The following SPIN1 variants were observed in gnomAD, a reference collection of about 807,000 sequenced individuals.
The protein encoded by SPIN1 is spindlin-1.
In SPIN1, 3 loss-of-function variants were observed where a neutral mutation model predicts 26.0. The observed-to-expected ratio is 0.12, with a 90% confidence interval of 0.05 to 0.30. The LOEUF is 0.30. SPIN1 is among the 10% of genes least tolerant of loss of function. The pLI is 1.00. For missense variants in SPIN1, 126 were observed against 333.4 expected, an observed-to-expected ratio of 0.38 and a Z score of 4.84; for synonymous variants, 101 against 116.5, an observed-to-expected ratio of 0.87 and a Z score of 0.86.
intron 4 of SPIN1, among the ~76,000 whole-genome samples, chr9:88,464,671 T>G (rs1276937230): frequency 1.3e-5 from 2 of 152,246 alleles, no homozygotes; most frequent in Non-Finnish European, 2.9e-5. Context: ...ACACAATATT[T>G]TCTTTATGAG....
intron 3 of SPIN1, among the ~76,000 whole-genome samples, chr9:88,453,104 G>GT (rs1385945048): frequency 1.3e-5 from 2 of 151,930 alleles, no homozygotes; most frequent in Non-Finnish European, 2.9e-5. Flanking sequence ...ATGAAAGGTC[G>GT]TTTTCCTTTC....
At chr9:88,461,990 T>C (rs1378405001) in intron 3 of SPIN1, among the ~76,000 whole-genome samples, 1 of 152,194 alleles carries the variant, frequency 6.6e-6, no homozygotes, top group Non-Finnish European at 1.5e-5. Flanking sequence ...TTATTTTTAT[T>C]AGTTAAGCTT....
chr9:88,437,632 C>T (rs570636244), intron 2 of SPIN1, among the ~76,000 whole-genome samples: 1 of 152,102 alleles, frequency 6.6e-6, no homozygotes, highest in African/African-American at 2.4e-5. Context: ...TATGGTTAAA[C>T]GTATGTTTAC....
At chr9:88,391,352 G>C (rs925943574) in intron 1 of SPIN1, 1 of 165,404 alleles carries the variant, frequency 6.0e-6, no homozygotes, top group Non-Finnish European at 1.4e-5. Context: ...AAAAGTACAA[G>C]AATGACAGTT....
At chr9:88,449,658 C>T (rs942649109) in intron 3 of SPIN1, among the ~76,000 whole-genome samples, 8 of 152,092 alleles carry the variant, frequency 5.3e-5, no homozygotes, top group Non-Finnish European at 1.2e-4. Flanking sequence ...ATAATATTCA[C>T]TTTTACTTTA....
chr9:88,400,394 G>A (rs914288055), intron 1 of SPIN1, among the ~76,000 whole-genome samples: 3 of 152,186 alleles, frequency 2.0e-5, no homozygotes, highest in African/African-American at 7.2e-5. Context: ...GGCTCACTAA[G>A]CAGAGATTCT....
chr9:88,410,707 A>C, intron 1 of SPIN1: 1 of 1,425,326 alleles, frequency 7.0e-7, no homozygotes, highest in Non-Finnish European at 9.8e-7. Context: ...GTAATTGCCA[A>C]AATCATTGTA....
chr9:88,457,023 TTTC>T (rs1828486200), intron 3 of SPIN1, among the ~76,000 whole-genome samples: 1 of 152,142 alleles, frequency 6.6e-6, no homozygotes, highest in Non-Finnish European at 1.5e-5. Flanking sequence ...GAGCTAAAAA[TTTC>T]TTCAAGATGA....
intron 2 of SPIN1, among the ~76,000 whole-genome samples, chr9:88,432,545 C>T (rs550080942): frequency 2.0e-4 from 30 of 151,196 alleles, no homozygotes; most frequent in Non-Finnish European, 3.2e-4. Flanking sequence ...AGTGCAGTGG[C>T]GCGATCTCGG....
In SPIN1 at chr9:88,475,561, A is replaced by G. The variant is rs1828872756; in HGVS notation, c.*284A>G. 1 of 272,558 alleles carries G rather than the reference A, an allele frequency of 3.7e-6. No individual in the cohort carries two copies. The highest frequency in any genetic ancestry group is 7.6e-5 in the East Asian group (1 of 13,144). 16.9% of individuals were successfully genotyped at this position (272,558 alleles called of 1,614,324 possible). On this transcript the variant is annotated 3_prime_UTR_variant, in exon 6 of 6. Coordinates refer to ENST00000375859, the MANE Select transcript of SPIN1 (RefSeq NM_006717.3). ...TAGTATCATAGTCATTTAAAATTGT[A>G]ATAGATCTTAACCATTTTCCCCCTC...
intron 3 of SPIN1, 69 bp from the exon 4 acceptor site, chr9:88,462,427 C>T (rs530399113): frequency 1.2e-5 from 19 of 1,548,848 alleles, no homozygotes; most frequent in East Asian, 4.5e-5. Flanking sequence ...TGCTAGCCAG[C>T]GGTTATGTTA....
intron 1 of SPIN1, among the ~76,000 whole-genome samples, chr9:88,402,289 C>A (rs191346778): frequency 3.1e-4 from 47 of 152,162 alleles, no homozygotes; most frequent in Admixed American, 1.1e-3. Flanking sequence ...TACTGCGCCT[C>A]GTTGAGTATT....
In SPIN1 at chr9:88,448,980, C is replaced by T; in HGVS notation, c.92C>T (p.Thr31Ile). 1 of 1,612,716 alleles carries T rather than the reference C, an allele frequency of 6.2e-7. No individual in the cohort carries two copies. The highest frequency in any genetic ancestry group is 8.5e-7 in the Non-Finnish European group (1 of 1,179,682). ...TCTGCCAACATGATGAAGAAGAGGA[C>T]ATCCCACAAGTAAGCAGTTCTGAAA... ...GVSANMMKKRTSHKKHRSSVG... is the reference protein window; with the variant it reads ...GVSANMMKKRISHKKHRSSVG... Residue 31 changes from threonine (T) to isoleucine (I), a missense_variant, in exon 3 of 6, where the codon ACA becomes ATA. Thr to Ile is a moderately conservative substitution (Grantham distance 89). Around this residue, in one of 7 missense-constraint regions of SPIN1, gnomAD observed 63 missense variants for 101.3 expected, o/e 0.62. Coordinates refer to ENST00000375859, the MANE Select transcript of SPIN1 (RefSeq NM_006717.3).
intron 1 of SPIN1, among the ~76,000 whole-genome samples, chr9:88,415,387 C>T (rs1488189127): frequency 6.6e-6 from 1 of 152,040 alleles, no homozygotes; most frequent in Non-Finnish European, 1.5e-5. Flanking sequence ...GAACCTACAC[C>T]AGAGGCCCCT....
chr9:88,455,612 C>T (rs1316403488), intron 3 of SPIN1, among the ~76,000 whole-genome samples: 1 of 152,072 alleles, frequency 6.6e-6, no homozygotes, highest in Non-Finnish European at 1.5e-5. Flanking sequence ...AAACTTTTTC[C>T]TACGTACCTG....
intron 4 of SPIN1, among the ~76,000 whole-genome samples, chr9:88,463,760 T>C (rs1329920354): frequency 6.6e-6 from 1 of 152,224 alleles, no homozygotes; most frequent in East Asian, 1.9e-4. Context: ...ATTTAAATCT[T>C]TATTATTACT....
chr9:88,446,906 C>CT (rs1165221526), intron 2 of SPIN1, among the ~76,000 whole-genome samples: 1 of 152,042 alleles, frequency 6.6e-6, no homozygotes, highest in Non-Finnish European at 1.5e-5. Context: ...GTGTGGTTTC[C>CT]TTTGTTTTTG....
At chr9:88,472,323 C>T (rs1008142058) in intron 5 of SPIN1, among the ~76,000 whole-genome samples, 1 of 152,122 alleles carries the variant, frequency 6.6e-6, no homozygotes, top group Admixed American at 6.5e-5. Flanking sequence ...CAGCCTCTGC[C>T]TCTCAGGTTC....
At chr9:88,451,092 A>G (rs1402163992) in intron 3 of SPIN1, among the ~76,000 whole-genome samples, 1 of 149,350 alleles carries the variant, frequency 6.7e-6, no homozygotes, top group African/African-American at 2.5e-5. Flanking sequence ...CTAAAATGCA[A>G]TTTTTATGGA....
Sources: gnomAD v4.1 joint callset for allele counts (sites outside exome capture counted in the v4.1 genomes callset) on GRCh38, gnomAD v4.1.1 for gene constraint, gnomAD v4.1.1 regional missense constraint, MANE v1.5 for transcripts, NCBI Gene and HGNC (gene_info 2026-07-23, HGNC 2026-07-21) for gene names.